The following WNT9B variants were observed in gnomAD, a reference collection of about 807,000 sequenced individuals.
WNT9B encodes the protein Wnt family member 9B, also known as protein Wnt-9b.
WNT9B carries 12 observed loss-of-function variants against 30.2 expected under a neutral mutation model. The observed-to-expected ratio is 0.40, with a 90% CI of 0.26 to 0.64. WNT9B has a LOEUF of 0.64. WNT9B is among the 30% of genes least tolerant of loss of function. WNT9B has a pLI of 0.42. For synonymous variants in WNT9B, 218 were observed against 216.9 expected, an observed-to-expected ratio of 1.01 and a Z score of -0.05; for missense variants, 442 against 485.2, an observed-to-expected ratio of 0.91 and a Z score of 0.84.
At chr17:46,840,508 C>A (rs2084700689) in intron 1 of WNT9B, among the ~76,000 whole-genome samples, 1 of 152,194 alleles carries the variant, frequency 6.6e-6, no homozygotes, top group Non-Finnish European at 1.5e-5. Flanking sequence ...GATTTATAAT[C>A]CTTTGTGTAC....
Position 46,877,149 on chromosome 17 carries a change from G to A in WNT9B, c.*431G>A, listed in dbSNP as rs564307429. ...AATGCCAAGGCAGGCAGTGCCAGCT[G>A]GAAGTGAAGGCGGGAGCCTGGCTGA... On this transcript the variant is annotated 3_prime_UTR_variant, in exon 4 of 4. Transcript: ENST00000290015. 2.1e-6 allele frequency: 2 copies of A among 938,744 alleles called. No homozygotes were observed. Among genetic ancestry groups the A allele is most frequent in the East Asian group, 1.2e-4 (1 of 8,552 alleles). 58.2% of individuals were successfully genotyped at this position (938,744 alleles called of 1,614,324 possible).
downstream of WNT9B, chr17:46,885,006 TAGACGAA>T (rs1598876320): frequency 2.3e-6 from 1 of 438,828 alleles, no homozygotes; most frequent in Non-Finnish European, 4.5e-6. Flanking sequence ...CTTTTTTTTT[TAGACGAA>T]GTCTTGTTCT....
intron 1 of WNT9B, among the ~76,000 whole-genome samples, chr17:46,836,816 TC>T (rs902080426): frequency 2.0e-5 from 3 of 152,176 alleles, no homozygotes; most frequent in African/African-American, 7.2e-5. Flanking sequence ...GCTTAGTAAC[TC>T]CCTGGAATTA....
rs73987066 is a variant in WNT9B at position 46,863,192 on chromosome 17, G to C, written c.78-9325G>C. 4.5e-3 allele frequency among the ~76,000 whole-genome samples: 683 copies of C among 152,352 alleles called. 2 individuals are homozygous for C. Among genetic ancestry groups the C allele is most frequent in the African/African-American group, 0.016 (648 of 41,590 alleles). ...CAGCCCCAGCTTGGGAAGGTTTGGC[G>C]GTGGGGCGTTAGGTGGTAGCCTCTG... On this transcript the variant is annotated intron_variant, in intron 1 of 3. Coordinates refer to ENST00000290015, the MANE Select transcript of WNT9B (RefSeq NM_003396.3).
intron 1 of WNT9B, among the ~76,000 whole-genome samples, chr17:46,854,487 C>G (rs1374571602): frequency 6.6e-6 from 1 of 152,040 alleles, no homozygotes; most frequent in African/African-American, 2.4e-5. Context: ...ATCTCTGGTC[C>G]AAAACTCACT....
intron 1 of WNT9B, among the ~76,000 whole-genome samples, chr17:46,858,084 C>T (rs1366120376): frequency 6.6e-6 from 1 of 152,156 alleles, no homozygotes; most frequent in African/African-American, 2.4e-5. Flanking sequence ...CATGCGCCAC[C>T]ATGCTCGGCT....
At chr17:46,842,945 G>T (rs1227469784) in intron 1 of WNT9B, among the ~76,000 whole-genome samples, 2 of 152,230 alleles carry the variant, frequency 1.3e-5, no homozygotes, top group Non-Finnish European at 2.9e-5. Context: ...AGAAACCGAG[G>T]TCGCAGAGGA....
chr17:46,872,626 C>A lies in WNT9B; in HGVS notation c.187C>A (p.Arg63=). ...GTGTGACCTGCTGAAGCTGTCCCGG[C>A]GGCAGAAGCAGCTCTGCCGGAGGGA... is the stretch of plus-strand genomic sequence containing the variant. ...KQCDLLKLSR[R]QKQLCRREPG... The change falls in exon 2 of 4, where the codon CGG becomes AGG. Residue 63 remains arginine (R), a synonymous_variant. Coordinates refer to ENST00000290015, the MANE Select transcript of WNT9B (RefSeq NM_003396.3). 1.2e-6 allele frequency: 2 copies of A among 1,613,362 alleles called. No homozygotes were observed. The highest frequency in any genetic ancestry group is 1.7e-6 in the Non-Finnish European group (2 of 1,179,842).
At chr17:46,833,336 T>C (rs769950883) in exon 1 of WNT9B, 11 of 517,344 alleles carry the variant, frequency 2.1e-5, no homozygotes, top group African/African-American at 3.8e-5. Context: ...TTGCTTCTTG[T>C]ATCAATTGCA....
chr17:46,834,642 T>A (rs2084603373), intron 1 of WNT9B, among the ~76,000 whole-genome samples: 1 of 152,106 alleles, frequency 6.6e-6, no homozygotes, highest in Admixed American at 6.5e-5. Context: ...ACAGGCTTGG[T>A]CCTTCTCGCC....
intron 1 of WNT9B, among the ~76,000 whole-genome samples, chr17:46,857,154 C>T (rs1014578707): frequency 6.6e-6 from 1 of 152,066 alleles, no homozygotes. Context: ...ATTATTTATC[C>T]ATTCCCCACT....
downstream of WNT9B, among the ~76,000 whole-genome samples, chr17:46,882,497 G>A (rs148325224): frequency 7.3e-4 from 111 of 151,984 alleles, no homozygotes; most frequent in African/African-American, 2.7e-3. Context: ...GTGCAGTGGT[G>A]CGATCTCGGC....
At chr17:46,836,514 A>G (rs1228084837) in intron 1 of WNT9B, among the ~76,000 whole-genome samples, 1 of 152,238 alleles carries the variant, frequency 6.6e-6, no homozygotes, top group African/African-American at 2.4e-5. Flanking sequence ...AGTATGTCAC[A>G]TTGTAAATGT....
rs1313601882 is a variant in WNT9B at position 46,833,384 on chromosome 17, C to A, written c.39C>A (p.Cys13Ter). Residue 13 changes from cysteine (C) to a stop codon, truncating the protein, a stop_gained, in exon 1 of 3, where the codon TGC (cysteine) becomes TGA (stop). Transcript: ENST00000575372. LOFTEE classifies it high-confidence loss of function. ...CAGTTTCTTTTGATCCTCTGGCATGCCAAGGCCTGAATGCCAGTCCTGGGA... is the reference window on the plus strand; with the variant it reads ...CAGTTTCTTTTGATCCTCTGGCATGACAAGGCCTGAATGCCAGTCCTGGGA... 3.9e-6 allele frequency: 2 copies of A among 518,396 alleles called. No homozygotes were observed. Among genetic ancestry groups the A allele is most frequent in the Non-Finnish European group, 7.7e-6 (2 of 259,728 alleles). The allele number at this position is 518,396 out of a possible 1,614,324, so 32.1% of individuals were successfully genotyped here.
At chr17:46,883,859 CA>C (rs2085456320), downstream of WNT9B, among the ~76,000 whole-genome samples, 1 of 152,226 alleles carries the variant, frequency 6.6e-6, no homozygotes, top group African/African-American at 2.4e-5. Flanking sequence ...TAATGCCTCT[CA>C]CGCGTCTTAT....
At chr17:46,867,498 A>G (rs1339277550) in intron 1 of WNT9B, among the ~76,000 whole-genome samples, 1 of 152,252 alleles carries the variant, frequency 6.6e-6, no homozygotes, top group East Asian at 1.9e-4. Flanking sequence ...TACCTAGGCC[A>G]GAACAGCCTT....
chr17:46,883,922 C>T (rs1722234274), downstream of WNT9B, among the ~76,000 whole-genome samples: 2 of 152,190 alleles, frequency 1.3e-5, no homozygotes, highest in African/African-American at 4.8e-5. Flanking sequence ...GGCCCATATT[C>T]CTCCCTGGCT....
At chr17:46,847,836 T>C (rs1488428749), upstream of WNT9B, among the ~76,000 whole-genome samples, 1 of 152,104 alleles carries the variant, frequency 6.6e-6, no homozygotes, top group Non-Finnish European at 1.5e-5. Context: ...CCTGAGGGTT[T>C]GTTTCAGGCA....
chr17:46,850,349 G>A (rs532203135), upstream of WNT9B, among the ~76,000 whole-genome samples: 4 of 152,242 alleles, frequency 2.6e-5, no homozygotes, highest in South Asian at 2.1e-4. Context: ...TAATCACTGC[G>A]CTCATTTGAC....
Sources: allele counts gnomAD v4.1 joint callset (sites outside exome capture counted in the v4.1 genomes callset), GRCh38; gene constraint gnomAD v4.1.1; transcripts MANE v1.5; gene names NCBI Gene and HGNC (gene_info 2026-07-23, HGNC 2026-07-21).